The following ANKRD30A variants were observed in gnomAD, a reference collection of about 807,000 sequenced individuals.
ANKRD30A encodes ankyrin repeat domain 30A.
In ANKRD30A, 170 loss-of-function variants were observed where a neutral mutation model predicts 166.3. The ratio of observed to expected loss-of-function variants is 1.02; its 90% CI spans 0.90 to 1.16. The LOEUF (loss-of-function observed/expected upper bound fraction) is 1.16. Among genes scored for constraint, ANKRD30A ranks in the 50% most tolerant of loss-of-function variants. The probability of loss-of-function intolerance (pLI) is 0.00; values close to 1 mark genes in which losing one functional copy is unlikely to be tolerated. For synonymous variants in ANKRD30A, 564 were observed against 508.9 expected (o/e 1.11, Z -1.46); for missense variants, 1,630 against 1,518.0 (o/e 1.07, Z -1.23).
chr10:37,171,559 G>C (rs748275400), intron 21 of ANKRD30A, among the ~76,000 whole-genome samples: 2 of 151,678 alleles, frequency 1.3e-5, no homozygotes, highest in Admixed American at 1.3e-4. Context: ...CGGTGTATTT[G>C]TTGAACTTCA....
chr10:37,215,444 C>A (rs1304162211), intron 31 of ANKRD30A, among the ~76,000 whole-genome samples: 2 of 151,326 alleles, frequency 1.3e-5, no homozygotes, highest in Non-Finnish European at 3.0e-5. Context: ...GTATCTCTCT[C>A]CCCTCCTCAG....
chr10:37,129,141 A>G (rs2132504094), intron 1 of ANKRD30A, among the ~76,000 whole-genome samples: 1 of 152,254 alleles, frequency 6.6e-6, no homozygotes, highest in South Asian at 2.1e-4. Flanking sequence ...CATTTCTTTC[A>G]GTGTTAATCC....
rs533008497 is a variant in ANKRD30A, at chr10:37,196,074, AG to A, written c.2615-1205del. 1.8e-4 allele frequency among the ~76,000 whole-genome samples: 26 copies of A among 148,520 alleles called. No individual in the cohort carries two copies. The South Asian group carries it at 5.3e-3, about 30-fold the overall frequency. On this transcript the variant is annotated intron_variant, in intron 27 of 35. Coordinates refer to ENST00000361713, the MANE Select transcript of ANKRD30A (RefSeq NM_052997.3). ...TATGGGAAGAATTCTACAGAGTTAG[AG>A]GTTTTTTTATATTTTCTATTTTTTT...
At chr10:37,227,332 C>T (rs1843205788) in intron 34 of ANKRD30A, among the ~76,000 whole-genome samples, 1 of 151,844 alleles carries the variant, frequency 6.6e-6, no homozygotes, top group Admixed American at 6.6e-5. Flanking sequence ...GGGACTCCAA[C>T]TTTTTTCTTT....
At chr10:37,246,875 C>G in the ANKRD30A span, among the ~76,000 whole-genome samples, 6 of 152,104 alleles carry the variant, frequency 3.9e-5, no homozygotes, top group African/African-American at 1.4e-4. Flanking sequence ...ATCATAGCAC[C>G]CCTTCCCTCA....
chr10:37,167,046 G>T (rs1400804273), intron 19 of ANKRD30A, among the ~76,000 whole-genome samples: 5 of 152,074 alleles, frequency 3.3e-5, no homozygotes, highest in Non-Finnish European at 7.4e-5. Flanking sequence ...AATGGAGGAT[G>T]ATAAAATGAA....
chr10:37,245,278 A>G, the ANKRD30A span, among the ~76,000 whole-genome samples: 3 of 151,918 alleles, frequency 2.0e-5, no homozygotes, highest in African/African-American at 4.8e-5. Flanking sequence ...TTGTGTATTG[A>G]ACTTGATTAG....
chr10:37,197,505 G>C, intron 29 of ANKRD30A, 25 bp downstream of exon 29: 1 of 1,611,296 alleles, frequency 6.2e-7, no homozygotes, highest in Non-Finnish European at 8.5e-7. Flanking sequence ...GTAACTATGC[G>C]AAGACCAATA....
intron 13 of ANKRD30A, among the ~76,000 whole-genome samples, chr10:37,155,725 G>A (rs1436780977): frequency 6.6e-6 from 1 of 152,108 alleles, no homozygotes; most frequent in Non-Finnish European, 1.5e-5. Flanking sequence ...GTTGTAGAAT[G>A]TTGTTGTCAT....
At chr10:37,166,375 A>C (rs1442199754) in intron 18 of ANKRD30A, among the ~76,000 whole-genome samples, 32 of 152,190 alleles carry the variant, frequency 2.1e-4, no homozygotes, top group African/African-American at 7.5e-4. Context: ...TTTCCTGCTC[A>C]GTCACCGAGT....
the ANKRD30A span, among the ~76,000 whole-genome samples, chr10:37,252,111 G>T: frequency 6.6e-6 from 1 of 152,126 alleles, no homozygotes; most frequent in Non-Finnish European, 1.5e-5. Flanking sequence ...ATTGGCAGGA[G>T]AATGAAAAAT....
chr10:37,232,699 G>GTAAAT (rs1564604965), downstream of ANKRD30A: 2 of 5,316 alleles, frequency 3.8e-4, no homozygotes, highest in African/African-American at 1.1e-3. Context: ...TATATAAATA[G>GTAAAT]AGAGAGAGAG....
At chr10:37,195,504 T>A (rs1841001588) in intron 27 of ANKRD30A, among the ~76,000 whole-genome samples, 1 of 152,186 alleles carries the variant, frequency 6.6e-6, no homozygotes, top group South Asian at 2.1e-4. Context: ...AGCATCTGGT[T>A]GTAACTCCAG....
intron 15 of ANKRD30A, among the ~76,000 whole-genome samples, chr10:37,158,935 C>A (rs1039718636): frequency 6.6e-6 from 1 of 152,134 alleles, no homozygotes; most frequent in African/African-American, 2.4e-5. Flanking sequence ...CCGATCTTTA[C>A]TTAGAAGAAA....
intron 32 of ANKRD30A, among the ~76,000 whole-genome samples, 181 bp downstream of exon 32, chr10:37,216,575 TA>T (rs1443380531): frequency 6.6e-6 from 1 of 151,336 alleles, no homozygotes; most frequent in Non-Finnish European, 1.5e-5. Flanking sequence ...TGCTGATAAT[TA>T]AATGCATATT....
At chr10:37,242,236 T>A in the ANKRD30A span, among the ~76,000 whole-genome samples, 1 of 152,216 alleles carries the variant, frequency 6.6e-6, no homozygotes, top group Non-Finnish European at 1.5e-5. Flanking sequence ...GTTTTTGTAA[T>A]GTTTCCTTGT....
At chr10:37,217,572 G>GA in intron 32 of ANKRD30A, 123 bp from the exon 33 acceptor site, 2 of 751,998 alleles carry the variant, frequency 2.7e-6, no homozygotes, top group Non-Finnish European at 3.8e-6. Flanking sequence ...GAACTAGGAA[G>GA]AAAAAAATTC....
chr10:37,259,662 AAAAT>A, the ANKRD30A span, among the ~76,000 whole-genome samples: 5 of 152,240 alleles, frequency 3.3e-5, no homozygotes, highest in Non-Finnish European at 5.9e-5. Context: ...TAGAGCAATG[AAAAT>A]AAATAAACTA....
downstream of ANKRD30A, among the ~76,000 whole-genome samples, chr10:37,234,665 C>T (rs1232388570): frequency 1.3e-5 from 2 of 152,116 alleles, no homozygotes; most frequent in East Asian, 1.9e-4. Flanking sequence ...TAGGAAGACT[C>T]ATTTCTACAT....
Sources: gnomAD v4.1 joint callset for allele counts (sites outside exome capture counted in the v4.1 genomes callset) on GRCh38, gnomAD v4.1.1 for gene constraint, MANE v1.5 for transcripts, NCBI Gene and HGNC (gene_info 2026-07-23, HGNC 2026-07-21) for gene names.